The following RBPJ variants were observed in gnomAD, a reference collection of about 807,000 sequenced individuals.
RBPJ encodes recombining binding protein suppressor of hairless.
RBPJ carries 9 observed loss-of-function variants against 67.8 expected under a neutral mutation model. That is an observed-to-expected ratio of 0.13 (90% CI 0.08 to 0.23). The LOEUF is 0.23. Among genes scored for constraint, RBPJ ranks in the 10% least tolerant of loss-of-function variants. The pLI is 1.00. For missense variants in RBPJ, 305 were observed against 595.6 expected (o/e 0.51, Z 5.08); for synonymous variants, 198 against 203.3 (o/e 0.97, Z 0.22).
rs576510632 is a variant in RBPJ at position 26,245,143 on chromosome 4, T to C, written c.-167+81529T>C. On this transcript the variant is annotated intron_variant, in intron 1 of 4. Coordinates refer to the RBPJ transcript ENST00000512351. Reference sequence around the variant, plus strand: ...TTTTATTACTCCAAGAAAGAAACACTATCCATTAGCAGTCATTCCTCATTC... The same window carrying C: ...TTTTATTACTCCAAGAAAGAAACACCATCCATTAGCAGTCATTCCTCATTC... 1.3e-5 allele frequency among the ~76,000 whole-genome samples: 2 copies of C among 151,440 alleles called. 1 individual carries two copies. Among genetic ancestry groups the C allele is most frequent in the South Asian group, 4.2e-4 (2 of 4,810 alleles).
intron 1 of RBPJ, among the ~76,000 whole-genome samples, chr4:26,198,384 T>C (rs1717860074): frequency 6.6e-6 from 1 of 152,216 alleles, no homozygotes; most frequent in Non-Finnish European, 1.5e-5. Context: ...CTCCAGGAAG[T>C]CAAGGGTTCA....
chr4:26,156,414 CTTTTTTT>C, the RBPJ span, among the ~76,000 whole-genome samples: 22 of 93,560 alleles, frequency 2.4e-4, no homozygotes, highest in Admixed American at 8.2e-4. Context: ...TCTTTTCTTT[CTTTTTTT>C]TTTTTTTTTT....
At chr4:26,257,664 A>G (rs773776986) in intron 1 of RBPJ, among the ~76,000 whole-genome samples, 3 of 152,200 alleles carry the variant, frequency 2.0e-5, no homozygotes, top group Non-Finnish European at 2.9e-5. Context: ...CCTTAAACCA[A>G]GACATATGCT....
chr4:26,390,422 G>A (rs1731383900), intron 2 of RBPJ, among the ~76,000 whole-genome samples: 1 of 152,130 alleles, frequency 6.6e-6, no homozygotes, highest in African/African-American at 2.4e-5. Context: ...AGAAATGAAA[G>A]ACGTCTTGAT....
intron 1 of RBPJ, chr4:26,321,598 CG>C (rs1560263774): frequency 6.5e-6 from 1 of 152,890 alleles, no homozygotes; most frequent in Non-Finnish European, 1.5e-5. Flanking sequence ...ACACTCTTGT[CG>C]TTAGCCCAGT....
At chr4:26,338,156 CTT>C (rs773976269) in intron 1 of RBPJ, among the ~76,000 whole-genome samples, 2 of 89,002 alleles carry the variant, frequency 2.2e-5, no homozygotes, top group Non-Finnish European at 4.5e-5. Flanking sequence ...ATTTTTCTTT[CTT>C]TTTTTTTTTT....
intron 1 of RBPJ, among the ~76,000 whole-genome samples, chr4:26,188,507 A>G (rs1396310626): frequency 6.6e-6 from 1 of 152,230 alleles, no homozygotes; most frequent in Non-Finnish European, 1.5e-5. Context: ...GAGGCATATT[A>G]TTAAATCTGT....
chr4:26,235,167 A>G (rs1719416684), intron 1 of RBPJ, among the ~76,000 whole-genome samples: 1 of 152,246 alleles, frequency 6.6e-6, no homozygotes, highest in African/African-American at 2.4e-5. Flanking sequence ...TATGTATGTC[A>G]GACTACTTAT....
intron 1 of RBPJ, among the ~76,000 whole-genome samples, chr4:26,280,395 CAAAAA>C (rs11295196): frequency 1.2e-5 from 1 of 86,816 alleles, no homozygotes; most frequent in Admixed American, 1.3e-4. Context: ...CACTTCATCT[CAAAAA>C]AAAAAAAAAA....
intron 1 of RBPJ, among the ~76,000 whole-genome samples, chr4:26,168,458 G>C (rs1160513407): frequency 6.6e-6 from 1 of 152,218 alleles, no homozygotes; most frequent in African/African-American, 2.4e-5. Flanking sequence ...CGTCTGATGG[G>C]CTTCCCTTTG....
chr4:26,139,191 A>G, the RBPJ span, among the ~76,000 whole-genome samples: 2 of 152,260 alleles, frequency 1.3e-5, no homozygotes. Context: ...CTGCCCTCTA[A>G]GAACCTCTTG....
At chr4:26,220,395 T>C (rs1577486946) in intron 1 of RBPJ, among the ~76,000 whole-genome samples, 1 of 152,222 alleles carries the variant, frequency 6.6e-6, no homozygotes, top group Non-Finnish European at 1.5e-5. Flanking sequence ...ATGTATCTTA[T>C]ACTGCAACAT....
intron 1 of RBPJ, among the ~76,000 whole-genome samples, chr4:26,304,598 T>C (rs1437143337): frequency 6.6e-6 from 1 of 152,216 alleles, no homozygotes; most frequent in South Asian, 2.1e-4. Context: ...TGGCTAATGA[T>C]ACTGAATATT....
intron 3 of RBPJ, among the ~76,000 whole-genome samples, chr4:26,411,814 G>C (rs981886891): frequency 2.6e-5 from 4 of 151,940 alleles, no homozygotes; most frequent in Non-Finnish European, 5.9e-5. Flanking sequence ...AAATTAAGAA[G>C]TACCATTTAT....
chr4:26,255,719 G>A (rs1213109275), intron 1 of RBPJ, among the ~76,000 whole-genome samples: 2 of 150,720 alleles, frequency 1.3e-5, no homozygotes, highest in Admixed American at 6.6e-5. Flanking sequence ...GGACAATGGC[G>A]TGAACCCGGG....
intron 2 of RBPJ, among the ~76,000 whole-genome samples, chr4:26,395,705 C>G (rs1732051148): frequency 6.6e-6 from 1 of 152,140 alleles, no homozygotes; most frequent in Non-Finnish European, 1.5e-5. Context: ...GCCCAGTCTT[C>G]CAGTGTGCAG....
At chr4:26,210,732 T>TTTCTTTCCTTCTTTACTTCA (rs1560212120) in intron 1 of RBPJ, among the ~76,000 whole-genome samples, 1 of 74,790 alleles carries the variant, frequency 1.3e-5, no homozygotes, top group Non-Finnish European at 2.6e-5. Flanking sequence ...TCTTTCCTTC[T>TTTCTTTCCTTCTTTACTTCA]TTACTTCTTT....
rs544274631 is a variant in RBPJ, at chr4:26,198,316, T to C, written c.-167+34702T>C. Among the ~76,000 whole-genome samples, 31 of 152,238 alleles carry C rather than the reference T, an allele frequency of 2.0e-4. No homozygotes were observed. In the South Asian group the frequency reaches 6.2e-3, roughly 31 times the overall value. ...ATACTATGAGGCAGATATTAACTAC[T>C]ACCTGCCATACTATACATTTCCTTA... On this transcript the variant is annotated intron_variant, in intron 1 of 4. Transcript: ENST00000512351.
chr4:26,251,631 C>CAA (rs763009793), intron 1 of RBPJ, among the ~76,000 whole-genome samples: 13 of 99,696 alleles, frequency 1.3e-4, no homozygotes, highest in African/African-American at 2.5e-4. Flanking sequence ...GACTCTTTCT[C>CAA]AAAAAAAAAA....
Sources: gnomAD v4.1 joint callset for allele counts (sites outside exome capture counted in the v4.1 genomes callset) on GRCh38, gnomAD v4.1.1 for gene constraint, MANE v1.5 for transcripts, NCBI Gene and HGNC (gene_info 2026-07-23, HGNC 2026-07-21) for gene names.